EYA2: variants seen among roughly 807,000 people sequenced by gnomAD.
EYA2 encodes EYA transcriptional coactivator and phosphatase 2.
Under a neutral mutation model 69.2 loss-of-function variants are expected in EYA2, and 31 were observed. That is an observed-to-expected ratio of 0.45 (90% CI 0.34 to 0.60). EYA2 has a LOEUF of 0.60. Ranked by LOEUF, EYA2 falls within the 20% of genes least tolerant of loss-of-function variation. The pLI is 0.02. For missense variants in EYA2, 622 were observed against 701.2 expected, an observed-to-expected ratio of 0.89 and a Z score of 1.28; for synonymous variants, 257 against 279.4, an observed-to-expected ratio of 0.92 and a Z score of 0.80.
intron 5 of EYA2, among the ~76,000 whole-genome samples, chr20:47,052,807 A>C (rs1338795360): frequency 6.6e-6 from 1 of 152,038 alleles, no homozygotes; most frequent in Admixed American, 6.6e-5. Context: ...TGTATTTTGT[A>C]GAGATGGGAT....
intron 5 of EYA2, among the ~76,000 whole-genome samples, chr20:47,057,974 G>A (rs1336373708): frequency 1.3e-5 from 2 of 152,264 alleles, no homozygotes; most frequent in Non-Finnish European, 1.5e-5. Context: ...CATGCAAACT[G>A]ATAAGCGATG....
At chr20:47,050,476 G>A (rs13040897) in intron 5 of EYA2, among the ~76,000 whole-genome samples, 60,037 of 151,902 alleles carry the variant, frequency 0.4, 13,120 homozygotes, top group East Asian at 0.57. Context: ...ACCCACATTC[G>A]GGGACTTTGG....
intron 1 of EYA2, among the ~76,000 whole-genome samples, chr20:46,921,371 T>C (rs1311971495): frequency 6.6e-6 from 1 of 152,254 alleles, no homozygotes; most frequent in East Asian, 1.9e-4. Flanking sequence ...CTCATGTCCA[T>C]TTGTAGTCCT....
intron 5 of EYA2, among the ~76,000 whole-genome samples, chr20:47,017,454 G>A (rs1390908175): frequency 2.0e-5 from 3 of 152,028 alleles, no homozygotes; most frequent in South Asian, 2.1e-4. Context: ...TCTTTTAAAA[G>A]CAACTACTTG....
At chr20:47,120,611 T>C (rs1600723397) in intron 9 of EYA2, among the ~76,000 whole-genome samples, 2 of 152,260 alleles carry the variant, frequency 1.3e-5, no homozygotes, top group South Asian at 4.1e-4. Flanking sequence ...CTGTGGAGTC[T>C]AAAGGTCCCA....
chr20:47,091,472 C>T (rs963334359), intron 8 of EYA2, among the ~76,000 whole-genome samples: 1 of 151,828 alleles, frequency 6.6e-6, no homozygotes, highest in Non-Finnish European at 1.5e-5. Flanking sequence ...AGCACAGTGG[C>T]TCACGCCTAT....
At chr20:46,997,438 G>C (rs987962094) in intron 2 of EYA2, among the ~76,000 whole-genome samples, 59 of 152,116 alleles carry the variant, frequency 3.9e-4, no homozygotes, top group African/African-American at 1.4e-3. Flanking sequence ...TAGGAAGCTT[G>C]GGAAGTAGAG....
At chr20:46,947,548 G>A (rs1026423247) in intron 1 of EYA2, among the ~76,000 whole-genome samples, 1 of 152,188 alleles carries the variant, frequency 6.6e-6, no homozygotes, top group East Asian at 1.9e-4. Context: ...ATGATGCTGT[G>A]GTAACAAGTA....
At chr20:47,047,686 CTG>C (rs1240704148) in intron 5 of EYA2, among the ~76,000 whole-genome samples, 1 of 152,150 alleles carries the variant, frequency 6.6e-6, no homozygotes, top group Non-Finnish European at 1.5e-5. Flanking sequence ...CGCGCCCAGC[CTG>C]TCTCTCATTT....
intron 8 of EYA2, among the ~76,000 whole-genome samples, chr20:47,095,591 GA>G (rs1009363690): frequency 3.3e-5 from 5 of 151,062 alleles, no homozygotes; most frequent in Admixed American, 2.6e-4. Flanking sequence ...ATTCTAGAAA[GA>G]AAAAAAAGGT....
At chr20:47,104,450 T>C (rs1456729316) in intron 9 of EYA2, among the ~76,000 whole-genome samples, 1 of 152,230 alleles carries the variant, frequency 6.6e-6, no homozygotes, top group Admixed American at 6.5e-5. Flanking sequence ...GTGCAATTTA[T>C]GTATATTTTC....
intron 10 of EYA2, among the ~76,000 whole-genome samples, chr20:47,149,688 C>CAAAA (rs59780173): frequency 2.9e-5 from 3 of 102,704 alleles, no homozygotes; most frequent in South Asian, 3.2e-4. Flanking sequence ...ACTAAAAATA[C>CAAAA]AAAAAAAAAA....
intron 4 of EYA2, among the ~76,000 whole-genome samples, chr20:47,008,696 A>T (rs1355366825): frequency 6.6e-6 from 1 of 152,222 alleles, no homozygotes; most frequent in Non-Finnish European, 1.5e-5. Flanking sequence ...AGAGTAGATG[A>T]TAAGAGCACA....
chr20:47,023,632 G>GGTTTTTTTTTTTTTTT (rs755649278), intron 5 of EYA2, among the ~76,000 whole-genome samples: 1 of 90,116 alleles, frequency 1.1e-5, no homozygotes, highest in African/African-American at 4.3e-5. Flanking sequence ...GATTTTGGGT[G>GGTTTTTTTTTTTTTTT]TTTTTTTTTT....
intron 9 of EYA2, among the ~76,000 whole-genome samples, chr20:47,118,999 T>C (rs1436233053): frequency 6.6e-6 from 1 of 152,166 alleles, no homozygotes; most frequent in Non-Finnish European, 1.5e-5. Flanking sequence ...CTCCTTTGTC[T>C]TCTGTAAATA....
chr20:46,907,916 C>T (rs1319482416), intron 1 of EYA2, among the ~76,000 whole-genome samples: 3 of 152,104 alleles, frequency 2.0e-5, no homozygotes, highest in Admixed American at 6.6e-5. Flanking sequence ...GCTCTAGGCT[C>T]TAGTTTCATG....
intron 1 of EYA2, among the ~76,000 whole-genome samples, chr20:46,932,713 T>C (rs1298068696): frequency 6.6e-6 from 1 of 152,070 alleles, no homozygotes; most frequent in Non-Finnish European, 1.5e-5. Context: ...CGAAACCCTG[T>C]CTCTAGTAAA....
chr20:47,030,807 T>G (rs1934843), intron 5 of EYA2, among the ~76,000 whole-genome samples: 140,787 of 152,162 alleles, frequency 0.93, 65,403 homozygotes, highest in Non-Finnish European at 0.97. Flanking sequence ...GCCCAGACTG[T>G]AGTGCAGTGG....
chr20:47,028,679 A>G (rs1984232410), intron 5 of EYA2, among the ~76,000 whole-genome samples: 1 of 152,232 alleles, frequency 6.6e-6, no homozygotes, highest in Admixed American at 6.5e-5. Context: ...GGCACAACAC[A>G]TGTAAAATTG....
Sources: allele counts gnomAD v4.1 joint callset (sites outside exome capture counted in the v4.1 genomes callset), GRCh38; gene constraint gnomAD v4.1.1; transcripts MANE v1.5; gene names NCBI Gene and HGNC (gene_info 2026-07-23, HGNC 2026-07-21).